Variants in LPAR3 observed in about 807,000 individuals in gnomAD.
LPAR3 encodes the protein LPA receptor 3.
LPAR3 carries 7 observed loss-of-function variants against 17.8 expected under a neutral mutation model. The ratio of observed to expected loss-of-function variants is 0.39; its 90% CI spans 0.22 to 0.74. The LOEUF is 0.74. Ranked by LOEUF, LPAR3 falls within the 30% of genes least tolerant of loss-of-function variation. LPAR3 has a pLI of 0.40. For synonymous variants in LPAR3, 179 were observed against 179.9 expected (o/e 0.99, Z 0.04); for missense variants, 391 against 453.4 (o/e 0.86, Z 1.25).
chr1:84,863,154 A>C (rs1659973262), intron 2 of LPAR3, among the ~76,000 whole-genome samples: 2 of 151,542 alleles, frequency 1.3e-5, no homozygotes, highest in Admixed American at 1.3e-4. Context: ...CAGCTCACTC[A>C]ACCTCAACCT....
chr1:84,828,658 G>A (rs537285962), intron 2 of LPAR3, among the ~76,000 whole-genome samples: 2 of 152,222 alleles, frequency 1.3e-5, no homozygotes, highest in East Asian at 3.9e-4. Flanking sequence ...CTCCTTGGCT[G>A]TCCCATGGCC....
intron 1 of LPAR3, among the ~76,000 whole-genome samples, chr1:84,869,988 T>C (rs1203096805): frequency 1.3e-5 from 2 of 152,234 alleles, no homozygotes; most frequent in African/African-American, 4.8e-5. Context: ...CATTGCCTAA[T>C]GCCATCACCA....
At chr1:84,852,671 A>G (rs1006133205) in intron 2 of LPAR3, among the ~76,000 whole-genome samples, 2 of 152,280 alleles carry the variant, frequency 1.3e-5, no homozygotes, top group Admixed American at 1.3e-4. Context: ...CTGCAGGAGT[A>G]AAATCACCTG....
chr1:84,813,158 T>TATATAGAGAGAG lies in LPAR3; in HGVS notation c.*687_*688insCTCTCTCTATAT, dbSNP rs1206774677. 5 of 101,694 alleles carry TATATAGAGAGAG rather than the reference T, an allele frequency of 4.9e-5. No individual in the cohort carries two copies. The highest frequency in any genetic ancestry group is 5.4e-4 in the East Asian group (2 of 3,676). 6.3% of individuals were successfully genotyped at this position (101,694 alleles called of 1,614,324 possible). ...ATATATATATATATATATATATATA[T>TATATAGAGAGAG]AGACACACACACACACACACACACA... On this transcript the variant is annotated 3_prime_UTR_variant, in exon 3 of 3. Coordinates refer to ENST00000370611, the MANE Select transcript of LPAR3 (RefSeq NM_012152.3).
At chr1:84,868,593 CA>C (rs1180928003) in intron 1 of LPAR3, among the ~76,000 whole-genome samples, 1 of 152,094 alleles carries the variant, frequency 6.6e-6, no homozygotes, top group Non-Finnish European at 1.5e-5. Context: ...TGTGTGCCTC[CA>C]AAATTCATGT....
At chr1:84,848,005 G>A (rs1446697381) in intron 2 of LPAR3, among the ~76,000 whole-genome samples, 2 of 152,118 alleles carry the variant, frequency 1.3e-5, no homozygotes, top group African/African-American at 4.8e-5. Context: ...TGTCATCTAG[G>A]AGCTGCCACT....
At chr1:84,847,222 G>A (rs1659609381) in intron 2 of LPAR3, among the ~76,000 whole-genome samples, 1 of 152,114 alleles carries the variant, frequency 6.6e-6, no homozygotes. Flanking sequence ...TCTTCCTTTT[G>A]TTTTTTCACT....
intron 1 of LPAR3, among the ~76,000 whole-genome samples, chr1:84,890,234 A>G (rs1251441117): frequency 2.9e-5 from 3 of 102,098 alleles, no homozygotes; most frequent in African/African-American, 7.5e-5. Flanking sequence ...AGGGAGGAAC[A>G]AAAGGCCCAT....
chr1:84,887,954 G>A (rs1368815779), intron 1 of LPAR3, among the ~76,000 whole-genome samples: 1 of 152,148 alleles, frequency 6.6e-6, no homozygotes, highest in Non-Finnish European at 1.5e-5. Context: ...AATGGGCTCT[G>A]TGGATTGGAT....
intron 1 of LPAR3, among the ~76,000 whole-genome samples, chr1:84,879,309 C>CTTTTTTAT: frequency 1.4e-5 from 1 of 73,536 alleles, no homozygotes; most frequent in African/African-American, 8.1e-5. Flanking sequence ...CTTTTCTTTT[C>CTTTTTTAT]TTTTTTCTTT....
At chr1:84,890,697 T>C in intron 1 of LPAR3, among the ~76,000 whole-genome samples, 1 of 152,188 alleles carries the variant, frequency 6.6e-6, no homozygotes, top group Non-Finnish European at 1.5e-5. Context: ...CCAGAAAGCA[T>C]TTGAACTAAT....
At chr1:84,818,265 G>A (rs975235209) in intron 2 of LPAR3, among the ~76,000 whole-genome samples, 3 of 152,186 alleles carry the variant, frequency 2.0e-5, no homozygotes, top group East Asian at 1.9e-4. Context: ...GTAATTCAAC[G>A]AAAAGGGAAA....
intron 2 of LPAR3, among the ~76,000 whole-genome samples, chr1:84,853,363 G>A (rs1038033797): frequency 3.8e-4 from 58 of 152,162 alleles, no homozygotes; most frequent in African/African-American, 1.3e-3. Flanking sequence ...GAAATTAAGG[G>A]AGTTCATGCC....
chr1:84,865,090 T>C (rs1364641624), intron 2 of LPAR3, among the ~76,000 whole-genome samples: 1 of 152,156 alleles, frequency 6.6e-6, no homozygotes, highest in Non-Finnish European at 1.5e-5. Flanking sequence ...GTGCAAACGA[T>C]ACCTGCTTAG....
chr1:84,892,976 C>A (rs929700347), intron 1 of LPAR3, 40 bp downstream of exon 1: 4 of 152,262 alleles, frequency 2.6e-5, no homozygotes, highest in African/African-American at 9.6e-5. Flanking sequence ...CTGGTGACTG[C>A]GGCTCGGGGT....
intron 1 of LPAR3, among the ~76,000 whole-genome samples, chr1:84,874,829 C>A (rs1184968749): frequency 1.3e-5 from 2 of 151,644 alleles, no homozygotes; most frequent in East Asian, 1.9e-4. Context: ...TATTATACAG[C>A]AAATAAGCCT....
At chr1:84,859,374 G>T (rs938433563) in intron 2 of LPAR3, among the ~76,000 whole-genome samples, 2 of 152,134 alleles carry the variant, frequency 1.3e-5, no homozygotes, top group African/African-American at 4.8e-5. Flanking sequence ...AGGAAGAAGT[G>T]AGAAGAAAAA....
At position 84,866,157 on chromosome 1, in the gene LPAR3, A is replaced by T. The variant is rs201946897; in HGVS notation, c.-18-19T>A. ...GAACATCCTAGAAAGAAATTTAAAG[A>T]AGAAACAAATATCATTTGTAAAATC... is the stretch of plus-strand genomic sequence containing the variant. On this transcript the variant is annotated intron_variant, in intron 1 of 2. Coordinates refer to ENST00000370611, the MANE Select transcript of LPAR3 (RefSeq NM_012152.3). 5.5e-5 allele frequency: 84 copies of T among 1,521,060 alleles called. 1 individual carries two copies. The highest frequency in any genetic ancestry group is 4.6e-4 in the Admixed American group (21 of 45,476). 94.2% of individuals were successfully genotyped at this position (1,521,060 alleles called of 1,614,324 possible).
chr1:84,888,168 A>G (rs1660494128), intron 1 of LPAR3, among the ~76,000 whole-genome samples: 1 of 98,974 alleles, frequency 1.0e-5, no homozygotes, highest in African/African-American at 3.7e-5. Context: ...ACACACACAC[A>G]CACACACACA....
Sources: gnomAD v4.1 joint callset for allele counts (sites outside exome capture counted in the v4.1 genomes callset) on GRCh38, gnomAD v4.1.1 for gene constraint, MANE v1.5 for transcripts, NCBI Gene and HGNC (gene_info 2026-07-23, HGNC 2026-07-21) for gene names.